Variants in GKAP1 observed in about 807,000 individuals in gnomAD.
GKAP1 encodes G kinase-anchoring protein 1.
A neutral mutation model predicts 56.7 loss-of-function variants in GKAP1; 31 were observed. That is an observed-to-expected ratio of 0.55 (90% confidence interval 0.41 to 0.74). The LOEUF is 0.74. GKAP1 is among the 30% of genes least tolerant of loss of function. The probability of loss-of-function intolerance (pLI) is 0.00; values close to 1 mark genes in which losing one functional copy is unlikely to be tolerated. For missense variants in GKAP1, 364 were observed against 402.3 expected, an observed-to-expected ratio of 0.90 and a Z score of 0.82; for synonymous variants, 151 against 138.6, an observed-to-expected ratio of 1.09 and a Z score of -0.63.
chr9:83,797,105 G>T (rs1944260739), intron 4 of GKAP1, among the ~76,000 whole-genome samples: 1 of 152,138 alleles, frequency 6.6e-6, no homozygotes, highest in African/African-American at 2.4e-5. Context: ...CTTTCCTACT[G>T]TCCATCTGGT....
intron 8 of GKAP1, among the ~76,000 whole-genome samples, chr9:83,764,666 T>C (rs1564194894): frequency 6.6e-6 from 1 of 152,088 alleles, no homozygotes; most frequent in Non-Finnish European, 1.5e-5. Context: ...ACTTGTTGAA[T>C]GACAATGAAG....
intron 7 of GKAP1, 27 bp from the exon 8 acceptor site, chr9:83,768,997 A>G (rs747226435): frequency 5.2e-5 from 82 of 1,584,032 alleles, no homozygotes; most frequent in Non-Finnish European, 6.8e-5. Flanking sequence ...ACGATTTACT[A>G]TCATTCAACA....
chr9:83,761,254 T>C (rs1356020692), intron 8 of GKAP1, among the ~76,000 whole-genome samples: 1 of 152,020 alleles, frequency 6.6e-6, no homozygotes, highest in Admixed American at 6.6e-5. Flanking sequence ...TTATGACTAA[T>C]ACTACTGAAA....
intron 8 of GKAP1, among the ~76,000 whole-genome samples, chr9:83,756,576 A>G (rs763097380): frequency 9.2e-5 from 14 of 152,110 alleles, no homozygotes; most frequent in Non-Finnish European, 1.6e-4. Context: ...CAGTTTCTAC[A>G]TTAATGAGGG....
intron 4 of GKAP1, among the ~76,000 whole-genome samples, chr9:83,798,014 G>A (rs1172340938): frequency 6.6e-6 from 1 of 152,160 alleles, no homozygotes; most frequent in Non-Finnish European, 1.5e-5. Context: ...ACCAGTACCT[G>A]GAACTGCCAT....
intron 8 of GKAP1, among the ~76,000 whole-genome samples, chr9:83,762,104 G>A (rs1943582432): frequency 6.6e-6 from 1 of 152,126 alleles, no homozygotes; most frequent in South Asian, 2.1e-4. Context: ...TGGAAAGGAA[G>A]AAGTCAAATT....
intron 2 of GKAP1, among the ~76,000 whole-genome samples, chr9:83,811,200 C>T (rs776641788): frequency 6.6e-6 from 1 of 152,202 alleles, no homozygotes; most frequent in Non-Finnish European, 1.5e-5. Flanking sequence ...TTTGACTAAG[C>T]ATGCCTAACT....
At chr9:83,773,014 T>C (rs1194994647) in intron 7 of GKAP1, among the ~76,000 whole-genome samples, 1 of 152,150 alleles carries the variant, frequency 6.6e-6, no homozygotes, top group East Asian at 1.9e-4. Flanking sequence ...GAAAAACAAT[T>C]TGACAGACTC....
intron 7 of GKAP1, 76 bp from the exon 8 acceptor site, chr9:83,769,046 G>A: frequency 9.0e-7 from 1 of 1,116,712 alleles, no homozygotes; most frequent in Non-Finnish European, 1.3e-6. Flanking sequence ...TCAACCACAA[G>A]AAGGGATATG....
intron 3 of GKAP1, among the ~76,000 whole-genome samples, chr9:83,799,987 G>A (rs995921805): frequency 6.6e-6 from 1 of 151,986 alleles, no homozygotes; most frequent in African/African-American, 2.4e-5. Context: ...AAAATAAAAT[G>A]CAAAACAATA....
At chr9:83,812,619 A>C (rs900105599) in intron 2 of GKAP1, among the ~76,000 whole-genome samples, 3 of 151,382 alleles carry the variant, frequency 2.0e-5, no homozygotes. Context: ...GGATTACAGG[A>C]ATGAGCCACC....
At chr9:83,769,189 T>C (rs893168609) in intron 7 of GKAP1, among the ~76,000 whole-genome samples, 3 of 152,240 alleles carry the variant, frequency 2.0e-5, no homozygotes, top group Admixed American at 6.5e-5. Context: ...GAAATTTCCT[T>C]TCATACTTCA....
At chr9:83,760,346 C>A (rs1225157701) in intron 8 of GKAP1, among the ~76,000 whole-genome samples, 1 of 151,926 alleles carries the variant, frequency 6.6e-6, no homozygotes, top group African/African-American at 2.4e-5. Flanking sequence ...GCACCCAACA[C>A]TGGAGCACCC....
chr9:83,739,738 T>C lies in GKAP1; in HGVS notation c.1060A>G (p.Arg354Gly), dbSNP rs770312752. 2 of 1,605,848 alleles carry C rather than the reference T, an allele frequency of 1.2e-6. No individual in the cohort carries two copies. The highest frequency in any genetic ancestry group is 8.5e-7 in the Non-Finnish European group (1 of 1,176,056). Residue 354 changes from arginine to glycine, a missense_variant, in exon 13 of 13, where the codon AGA becomes GGA. Coordinates refer to ENST00000376371, the MANE Select transcript of GKAP1 (RefSeq NM_025211.4). Reference sequence around the variant, plus strand: ...GATTCAGAGTTTCTTTTCCCTTTTCTGCCACCCTGTAAAAAAAAAAAAAAA... The same window carrying C: ...GATTCAGAGTTTCTTTTCCCTTTTCCGCCACCCTGTAAAAAAAAAAAAAAA... ...QAELAKYQGGRKGKRNSESDQ... is the reference protein window; with the variant it reads ...QAELAKYQGGGKGKRNSESDQ...
intron 7 of GKAP1, among the ~76,000 whole-genome samples, chr9:83,771,421 T>G (rs1564197772): frequency 6.6e-6 from 1 of 152,176 alleles, no homozygotes; most frequent in African/African-American, 2.4e-5. Flanking sequence ...ATTGTATCTG[T>G]GGGCAAACGA....
chr9:83,789,616 TCAG>T (rs61560735), intron 4 of GKAP1, among the ~76,000 whole-genome samples: 1,746 of 152,310 alleles, frequency 0.011, 15 homozygotes, highest in Middle Eastern at 0.034. Flanking sequence ...TCCCATGGTT[TCAG>T]CAGAACAGCC....
chr9:83,745,328 G>A (rs1943274833), intron 10 of GKAP1, among the ~76,000 whole-genome samples: 3 of 152,142 alleles, frequency 2.0e-5, no homozygotes, highest in Non-Finnish European at 4.4e-5. Context: ...CACTGTGCCT[G>A]GCCATCTTGT....
At chr9:83,780,481 A>AAAAAAAAAC in intron 6 of GKAP1, 77 bp from the exon 7 acceptor site, 5 of 609,796 alleles carry the variant, frequency 8.2e-6, no homozygotes, top group East Asian at 3.8e-5. Context: ...AAAAAAAAAA[A>AAAAAAAAAC]ACGAAACTGA....
intron 3 of GKAP1, among the ~76,000 whole-genome samples, chr9:83,805,910 T>C (rs1490600732): frequency 6.6e-6 from 1 of 152,034 alleles, no homozygotes; most frequent in East Asian, 1.9e-4. Flanking sequence ...TGAGCCCAGG[T>C]GTTCAAGACC....
Sources: gnomAD v4.1 joint callset for allele counts (sites outside exome capture counted in the v4.1 genomes callset) on GRCh38, gnomAD v4.1.1 for gene constraint, MANE v1.5 for transcripts, NCBI Gene and HGNC (gene_info 2026-07-23, HGNC 2026-07-21) for gene names.